The following UNC80 variants were observed in gnomAD, a reference collection of about 807,000 sequenced individuals.
UNC80 encodes the protein unc-80 subunit of NALCN channel complex.
A neutral mutation model predicts 384.6 loss-of-function variants in UNC80; 164 were observed. The ratio of observed to expected loss-of-function variants is 0.43; its 90% CI spans 0.38 to 0.49. The LOEUF (loss-of-function observed/expected upper bound fraction) is 0.49. Ranked by LOEUF, UNC80 falls within the 20% of genes least tolerant of loss-of-function variation. UNC80 has a pLI of 0.00. For synonymous variants in UNC80, 1,486 were observed against 1,527.8 expected (o/e 0.97, Z 0.64); for missense variants, 3,330 against 4,143.0 (o/e 0.80, Z 5.39).
At chr2:209,875,640 C>T (rs961769236) in intron 23 of UNC80, among the ~76,000 whole-genome samples, 8 of 152,174 alleles carry the variant, frequency 5.3e-5, no homozygotes, top group Admixed American at 1.3e-4. Context: ...TTTCAGCCTT[C>T]CTGTACATTA....
chr2:209,941,664 T>C (rs1320834802), intron 44 of UNC80, among the ~76,000 whole-genome samples, 175 bp downstream of exon 44: 1 of 152,220 alleles, frequency 6.6e-6, no homozygotes, highest in Non-Finnish European at 1.5e-5. Context: ...ACAATGTTCC[T>C]TTCTACTCTG....
At chr2:209,985,199 A>G (rs1575228326) in intron 61 of UNC80, among the ~76,000 whole-genome samples, 1 of 152,322 alleles carries the variant, frequency 6.6e-6, no homozygotes, top group South Asian at 2.1e-4. Flanking sequence ...ATGTCTAAAA[A>G]GTCTGGTATG....
intron 29 of UNC80, 41 bp downstream of exon 29, chr2:209,905,006 C>G: frequency 6.5e-7 from 1 of 1,536,908 alleles, no homozygotes; most frequent in Non-Finnish European, 8.8e-7. Context: ...ATACTAGAAA[C>G]ATGATGTCAT....
intron 21 of UNC80, among the ~76,000 whole-genome samples, chr2:209,848,453 A>C (rs2082306134): frequency 6.6e-6 from 1 of 152,144 alleles, no homozygotes; most frequent in Non-Finnish European, 1.5e-5. Flanking sequence ...TTTTGAGCTT[A>C]TGAAAGTGTT....
At chr2:209,868,910 A>G (rs2084062163) in intron 22 of UNC80, among the ~76,000 whole-genome samples, 1 of 152,218 alleles carries the variant, frequency 6.6e-6, no homozygotes, top group African/African-American at 2.4e-5. Context: ...ATATAATGGA[A>G]TAGAAGCCTC....
At chr2:209,833,746 G>A (rs930671933) in intron 16 of UNC80, among the ~76,000 whole-genome samples, 4 of 152,280 alleles carry the variant, frequency 2.6e-5, no homozygotes, top group Admixed American at 2.6e-4. Flanking sequence ...TAATGATGCA[G>A]CCAACTTTCT....
At chr2:209,893,326 A>G (rs906308747) in intron 26 of UNC80, among the ~76,000 whole-genome samples, 2 of 152,232 alleles carry the variant, frequency 1.3e-5, no homozygotes, top group African/African-American at 4.8e-5. Flanking sequence ...TGAAAACACC[A>G]AATCTTGAAA....
At chr2:209,828,011 T>C (rs1308439924) in intron 14 of UNC80, among the ~76,000 whole-genome samples, 1 of 152,212 alleles carries the variant, frequency 6.6e-6, no homozygotes, top group Non-Finnish European at 1.5e-5. Context: ...TAAAGTTTGA[T>C]ATTCTTAGGC....
intron 9 of UNC80, among the ~76,000 whole-genome samples, chr2:209,816,695 A>G (rs2079762231): frequency 6.6e-6 from 1 of 152,170 alleles, no homozygotes; most frequent in African/African-American, 2.4e-5. Context: ...ACCCAGGAGA[A>G]AGGCCCACGG....
At chr2:209,993,562 C>A in intron 63 of UNC80, 136 bp downstream of exon 63, 1 of 662,438 alleles carries the variant, frequency 1.5e-6, no homozygotes, top group Non-Finnish European at 2.5e-6. Flanking sequence ...AAGGAGTTTC[C>A]CAGAAAACTG....
intron 7 of UNC80, among the ~76,000 whole-genome samples, chr2:209,807,803 T>C (rs966982608): frequency 1.3e-5 from 2 of 152,248 alleles, no homozygotes; most frequent in African/African-American, 4.8e-5. Flanking sequence ...AAATATTTAT[T>C]GATAGTTCTT....
chr2:209,937,486 T>A (rs762218572), intron 41 of UNC80, 43 bp from the exon 42 acceptor site: 179 of 1,377,818 alleles, frequency 1.3e-4, no homozygotes, highest in Non-Finnish European at 1.7e-4. Context: ...AGATGTTTAA[T>A]CTTTTGAACT....
chr2:209,970,938 T>G lies in UNC80; in HGVS notation c.8237T>G (p.Leu2746Arg). The G allele has an allele frequency of 6.4e-7, 1 of 1,551,942 alleles. No individual in the cohort carries two copies. Among genetic ancestry groups the G allele is most frequent in the Non-Finnish European group, 8.7e-7 (1 of 1,146,984 alleles). ...PLPFSTAVVR[L>R]VALQIQALKE... is the part of the protein sequence containing the mutation. ...CCCTTCAGCACAGCTGTTGTCCGGC[T>G]TGTAGCATTGCAGATACAGGTGTGA... The change falls in exon 54 of 65, where the codon CTT (leucine) becomes CGT (arginine). Residue 2746 changes from leucine to arginine, a missense_variant. Leu to Arg is a moderately radical substitution (Grantham distance 102). Transcript: ENST00000673920.
chr2:209,959,916 A>G (rs947770773), intron 51 of UNC80, among the ~76,000 whole-genome samples: 3 of 152,218 alleles, frequency 2.0e-5, no homozygotes, highest in Non-Finnish European at 4.4e-5. Flanking sequence ...GGACAAGGGG[A>G]AAATGTTCTT....
intron 31 of UNC80, among the ~76,000 whole-genome samples, chr2:209,916,776 T>G (rs1420635821): frequency 6.6e-6 from 1 of 152,236 alleles, no homozygotes; most frequent in Non-Finnish European, 1.5e-5. Context: ...ATTTTCTGAC[T>G]GCACAGATAG....
rs1164061431 is a variant in UNC80, at chr2:209,840,660, A to G, written c.3357+12A>G. On this transcript the variant is annotated intron_variant, in intron 20 of 64. Transcript: ENST00000673920. ...GGCAAAGCTCCAAGGTAAACAGGAC[A>G]TAACTTGTGTAAGTGACTGTTGAAG... 1.0e-5 allele frequency: 16 copies of G among 1,548,880 alleles called. No individual in the cohort carries two copies. The Admixed American group carries it at 2.7e-4, about 27-fold the overall frequency.
chr2:209,807,262 T>C (rs2078960340), intron 7 of UNC80, among the ~76,000 whole-genome samples: 1 of 152,170 alleles, frequency 6.6e-6, no homozygotes, highest in Non-Finnish European at 1.5e-5. Context: ...TTTATAACAT[T>C]TTCATTTTTA....
At chr2:209,885,002 G>A (rs901520147) in intron 25 of UNC80, among the ~76,000 whole-genome samples, 2 of 151,522 alleles carry the variant, frequency 1.3e-5, no homozygotes, top group South Asian at 2.1e-4. Context: ...CATGGCACAC[G>A]TTTGCCTATG....
intron 7 of UNC80, among the ~76,000 whole-genome samples, chr2:209,797,405 T>C (rs2078232526): frequency 6.6e-6 from 1 of 152,176 alleles, no homozygotes; most frequent in African/African-American, 2.4e-5. Context: ...CTCCCACTTA[T>C]GAGTGAGAAC....
Sources: gnomAD v4.1 joint callset for allele counts (sites outside exome capture counted in the v4.1 genomes callset) on GRCh38, gnomAD v4.1.1 for gene constraint, MANE v1.5 for transcripts, NCBI Gene and HGNC (gene_info 2026-07-23, HGNC 2026-07-21) for gene names.